LRSAM1: variants seen among roughly 807,000 people sequenced by gnomAD.
LRSAM1 encodes leucine rich repeat and sterile alpha motif containing 1.
LRSAM1 carries 96 observed loss-of-function variants against 118.1 expected under a neutral mutation model. The ratio of observed to expected loss-of-function variants is 0.81; its 90% CI spans 0.69 to 0.96. The LOEUF (loss-of-function observed/expected upper bound fraction) is 0.96. LRSAM1 is among the 40% of genes least tolerant of loss of function. LRSAM1 has a pLI of 0.00. For missense variants in LRSAM1, 804 were observed against 915.5 expected, an observed-to-expected ratio of 0.88 and a Z score of 1.57; for synonymous variants, 322 against 364.2, an observed-to-expected ratio of 0.88 and a Z score of 1.32.
chr9:127,496,196 G>A (rs1836137962), intron 23 of LRSAM1, 101 bp downstream of exon 23: 11 of 1,517,544 alleles, frequency 7.2e-6, no homozygotes, highest in Non-Finnish European at 8.9e-6. Flanking sequence ...GTTGAGGCCT[G>A]TCCTTACCTA....
At chr9:127,490,385 G>A (rs1298188378) in intron 19 of LRSAM1, among the ~76,000 whole-genome samples, 1 of 152,050 alleles carries the variant, frequency 6.6e-6, no homozygotes, top group African/African-American at 2.4e-5. Flanking sequence ...TAGGGACTTA[G>A]GGATGAGGGT....
intron 6 of LRSAM1, 56 bp downstream of exon 6, chr9:127,457,449 C>A: frequency 6.5e-7 from 1 of 1,546,248 alleles, no homozygotes; most frequent in South Asian, 1.1e-5. Flanking sequence ...CACGCGGCAG[C>A]TGAGCGCCTG....
intron 9 of LRSAM1, among the ~76,000 whole-genome samples, chr9:127,464,706 C>T (rs985465172): frequency 1.2e-4 from 18 of 151,650 alleles, no homozygotes; most frequent in Admixed American, 6.6e-5. Context: ...TGCAGTGGCT[C>T]AATCATAGCT....
intron 11 of LRSAM1, among the ~76,000 whole-genome samples, chr9:127,477,229 C>T (rs1019347825): frequency 6.6e-6 from 1 of 151,818 alleles, no homozygotes; most frequent in Non-Finnish European, 1.5e-5. Context: ...GGGAGGGGAA[C>T]CAGGGTTAGG....
intron 15 of LRSAM1, among the ~76,000 whole-genome samples, chr9:127,481,608 T>G (rs1268192498): frequency 6.6e-6 from 1 of 152,100 alleles, no homozygotes; most frequent in Non-Finnish European, 1.5e-5. Flanking sequence ...TGCCAGGACA[T>G]TTCCCTAAAG....
At chr9:127,483,545 C>T (rs181268730) in intron 16 of LRSAM1, among the ~76,000 whole-genome samples, 302 of 152,140 alleles carry the variant, frequency 2.0e-3, no homozygotes, top group Middle Eastern at 3.4e-3. Flanking sequence ...GTATTAGCAT[C>T]CCATTAGCAT....
At chr9:127,452,432 C>G (rs531629296) in intron 2 of LRSAM1, 1 of 152,460 alleles carries the variant, frequency 6.6e-6, no homozygotes, top group East Asian at 1.9e-4. Context: ...ACAGCCCCGC[C>G]CCCGTGGGTG....
intron 10 of LRSAM1, among the ~76,000 whole-genome samples, chr9:127,472,328 T>G (rs942773824): frequency 6.6e-6 from 1 of 151,932 alleles, no homozygotes; most frequent in Non-Finnish European, 1.5e-5. Context: ...TGTGTAAAAT[T>G]TGTTTTTTGA....
At chr9:127,472,773 C>T (rs575034904) in intron 10 of LRSAM1, among the ~76,000 whole-genome samples, 3 of 152,300 alleles carry the variant, frequency 2.0e-5, no homozygotes, top group South Asian at 2.1e-4. Flanking sequence ...TCTCATAGTA[C>T]GGTTTGAATG....
At chr9:127,455,701 C>A in intron 5 of LRSAM1, 81 bp downstream of exon 5, 2 of 1,371,596 alleles carry the variant, frequency 1.5e-6, no homozygotes, top group Non-Finnish European at 2.1e-6. Context: ...GAGGAGCTGT[C>A]TTCCCGGCGT....
intron 19 of LRSAM1, among the ~76,000 whole-genome samples, 156 bp from the exon 20 acceptor site, chr9:127,491,059 C>T (rs1031162114): frequency 4.6e-5 from 7 of 152,108 alleles, no homozygotes; most frequent in South Asian, 4.1e-4. Flanking sequence ...AGCCCCTTGA[C>T]GAGGTTCCCA....
At position 127,467,795 on chromosome 9, in the gene LRSAM1, C is replaced by T; in HGVS notation, c.584C>T (p.Ala195Val). ...TACCCGCCGCGGGAGGTGTGTGGTG[C>T]CGGCACTGCGGCCATCTTGCAGTTC... ...MVYPPREVCG[A>V]GTAAILQFLC... is the part of the protein sequence containing the mutation. Residue 195 changes from alanine to valine, a missense_variant, in exon 10 of 26, where the codon GCC (alanine) becomes GTC (valine). Coordinates refer to ENST00000300417, the MANE Select transcript of LRSAM1 (RefSeq NM_001005373.4). The T allele has an allele frequency of 6.2e-7, 1 of 1,608,554 alleles. No homozygotes were observed.
chr9:127,459,790 C>G (rs1034414557), intron 7 of LRSAM1, among the ~76,000 whole-genome samples: 1 of 152,116 alleles, frequency 6.6e-6, no homozygotes, highest in African/African-American at 2.4e-5. Flanking sequence ...AACTCCTGGC[C>G]TCAGGTGATC....
rs1039049151 is a variant in LRSAM1, at chr9:127,461,333, C to T, written c.406+76C>T. On this transcript the variant is annotated intron_variant, in intron 8 of 25. Transcript: ENST00000300417. ...TCCTGGCCGGGATCCACAGGCTGCC[C>T]CGCCCGGGAGCCATTGAGCAGGAGG... 7.3e-6 allele frequency: 10 copies of T among 1,376,852 alleles called. No homozygotes were observed. In the Admixed American group the frequency reaches 1.6e-4, roughly 21 times the overall value. 85.3% of individuals were successfully genotyped at this position (1,376,852 alleles called of 1,614,324 possible).
At chr9:127,458,419 C>CAA (rs1428696050) in intron 6 of LRSAM1, among the ~76,000 whole-genome samples, 1 of 141,376 alleles carries the variant, frequency 7.1e-6, no homozygotes, top group African/African-American at 2.7e-5. Context: ...CAAAACAAAA[C>CAA]AAAAAAAAAC....
chr9:127,454,430 T>C (rs1834440058), intron 2 of LRSAM1, 66 bp from the exon 3 acceptor site: 1 of 1,217,164 alleles, frequency 8.2e-7, no homozygotes, highest in Admixed American at 1.9e-5. Context: ...GTTACTGCAC[T>C]ACCTGTCCCG....
chr9:127,470,217 C>G (rs975328841), intron 10 of LRSAM1, among the ~76,000 whole-genome samples: 1 of 152,006 alleles, frequency 6.6e-6, no homozygotes, highest in Admixed American at 6.6e-5. Flanking sequence ...TGAAGAAATT[C>G]TTTATAAAGA....
chr9:127,485,481 G>A (rs1260228027), intron 16 of LRSAM1, among the ~76,000 whole-genome samples: 1 of 152,122 alleles, frequency 6.6e-6, no homozygotes, highest in Admixed American at 6.5e-5. Context: ...GCGGGAACCT[G>A]GGAGGCAGAG....
At chr9:127,481,384 C>G (rs1214145488) in intron 15 of LRSAM1, among the ~76,000 whole-genome samples, 157 bp downstream of exon 15, 1 of 151,982 alleles carries the variant, frequency 6.6e-6, no homozygotes, top group Non-Finnish European at 1.5e-5. Context: ...TCCCGAGTAG[C>G]TGGGACTATA....
Sources: allele counts gnomAD v4.1 joint callset (sites outside exome capture counted in the v4.1 genomes callset), GRCh38; gene constraint gnomAD v4.1.1; transcripts MANE v1.5; gene names NCBI Gene and HGNC (gene_info 2026-07-23, HGNC 2026-07-21).